ZBTB20: variants seen among roughly 807,000 people sequenced by gnomAD.
The protein encoded by ZBTB20 is zinc finger and BTB domain containing 20.
ZBTB20 carries 9 observed loss-of-function variants against 56.9 expected under a neutral mutation model. That is an observed-to-expected ratio of 0.16 (90% CI 0.10 to 0.28). The LOEUF (loss-of-function observed/expected upper bound fraction) is 0.28. Ranked by LOEUF, ZBTB20 falls within the 10% of genes least tolerant of loss-of-function variation. ZBTB20 has a pLI of 1.00. For missense variants in ZBTB20, 655 were observed against 1,003.0 expected (o/e 0.65, Z 4.69); for synonymous variants, 417 against 420.7 (o/e 0.99, Z 0.11).
intron 4 of ZBTB20, among the ~76,000 whole-genome samples, chr3:114,853,313 A>G (rs1190469112): frequency 6.6e-6 from 1 of 152,212 alleles, no homozygotes; most frequent in Middle Eastern, 3.2e-3. Context: ...GCCTATATTT[A>G]AAATACTCTC....
At chr3:114,922,420 G>A (rs1024164556) in intron 3 of ZBTB20, among the ~76,000 whole-genome samples, 41 of 151,646 alleles carry the variant, frequency 2.7e-4, no homozygotes, top group African/African-American at 9.9e-4. Flanking sequence ...AAACCCTGAA[G>A]ACTGCAGCAA....
chr3:114,675,668 C>T (rs1038550344), intron 6 of ZBTB20, among the ~76,000 whole-genome samples: 2 of 152,116 alleles, frequency 1.3e-5, no homozygotes, highest in Non-Finnish European at 2.9e-5. Context: ...CAATGGAATG[C>T]TCTGAATTGT....
intron 7 of ZBTB20, among the ~76,000 whole-genome samples, chr3:114,403,093 A>G (rs540582266): frequency 5.9e-5 from 9 of 152,320 alleles, no homozygotes; most frequent in African/African-American, 1.9e-4. Flanking sequence ...GGCACAACAA[A>G]CCACACAACA....
intron 2 of ZBTB20, among the ~76,000 whole-genome samples, chr3:115,034,415 G>A (rs1382770776): frequency 6.6e-6 from 1 of 150,580 alleles, no homozygotes. Context: ...AAATCATCAC[G>A]CAAAAATCAG....
chr3:114,364,487 A>G (rs957103621), intron 10 of ZBTB20, among the ~76,000 whole-genome samples: 20 of 152,276 alleles, frequency 1.3e-4, no homozygotes, highest in African/African-American at 4.8e-4. Context: ...AATTTATGCA[A>G]ACAACATCAG....
intron 1 of ZBTB20, among the ~76,000 whole-genome samples, chr3:115,095,049 G>A (rs892334753): frequency 1.6e-4 from 24 of 152,054 alleles, no homozygotes; most frequent in Non-Finnish European, 1.2e-4. Context: ...TGCATAATAT[G>A]AACATTAAAT....
chr3:114,679,661 T>C (rs1242631554), intron 6 of ZBTB20, among the ~76,000 whole-genome samples: 1 of 152,080 alleles, frequency 6.6e-6, no homozygotes, highest in Non-Finnish European at 1.5e-5. Flanking sequence ...TGGGGAGAAA[T>C]AGGAATGCTT....
At chr3:114,551,528 C>T (rs990993444) in intron 6 of ZBTB20, among the ~76,000 whole-genome samples, 2 of 152,022 alleles carry the variant, frequency 1.3e-5, no homozygotes, top group South Asian at 2.1e-4. Context: ...AAGTTAGAGG[C>T]ATTTGGGATG....
intron 2 of ZBTB20, among the ~76,000 whole-genome samples, chr3:115,032,975 A>C (rs1290244510): frequency 2.7e-5 from 4 of 149,770 alleles, no homozygotes; most frequent in Admixed American, 6.7e-5. Context: ...AAAAAAAAAA[A>C]AACAAACTAA....
At chr3:114,908,161 G>A (rs1009138671) in intron 3 of ZBTB20, among the ~76,000 whole-genome samples, 2 of 151,864 alleles carry the variant, frequency 1.3e-5, no homozygotes, top group African/African-American at 2.4e-5. Context: ...GTATACGAAA[G>A]GCATTCAAGC....
chr3:114,550,589 T>C (rs569496180), intron 6 of ZBTB20, among the ~76,000 whole-genome samples: 2 of 152,200 alleles, frequency 1.3e-5, no homozygotes, highest in South Asian at 4.1e-4. Flanking sequence ...ATAATGCTTT[T>C]TGGGGGGTTG....
rs552336220 is a variant in ZBTB20, at chr3:114,906,553, GA to G, written c.-455-6212del. 8.6e-5 allele frequency among the ~76,000 whole-genome samples: 13 copies of G among 150,536 alleles called. No homozygotes were observed. The East Asian group carries it at 2.5e-3, about 29-fold the overall frequency. ...GATTAATCATATTTAAAATGAGGGG[GA>G]TTTTATATAATATAAAATTTTTATA... On this transcript the variant is annotated intron_variant, in intron 3 of 11. Transcript: ENST00000675478.
At chr3:114,621,816 T>C (rs894001792) in intron 6 of ZBTB20, among the ~76,000 whole-genome samples, 11 of 152,192 alleles carry the variant, frequency 7.2e-5, no homozygotes, top group African/African-American at 2.4e-4. Flanking sequence ...ATTGAAAAAA[T>C]AAGTAATATT....
chr3:115,043,674 C>T (rs936965336), intron 2 of ZBTB20, among the ~76,000 whole-genome samples: 47 of 151,054 alleles, frequency 3.1e-4, no homozygotes, highest in Admixed American at 2.6e-3. Flanking sequence ...AAAAAGAGAT[C>T]ATCTAACATA....
chr3:114,433,613 T>C (rs1365903761), intron 7 of ZBTB20, among the ~76,000 whole-genome samples: 1 of 152,208 alleles, frequency 6.6e-6, no homozygotes, highest in Non-Finnish European at 1.5e-5. Flanking sequence ...ACTATACCTT[T>C]TATTTCTGAT....
At chr3:114,946,417 T>G (rs572707050) in intron 3 of ZBTB20, among the ~76,000 whole-genome samples, 1 of 145,378 alleles carries the variant, frequency 6.9e-6, no homozygotes, top group Non-Finnish European at 1.5e-5. Context: ...TTGATAAAAG[T>G]CAAAAATTGG....
At chr3:114,442,300 T>A (rs374840882) in intron 7 of ZBTB20, among the ~76,000 whole-genome samples, 8 of 152,154 alleles carry the variant, frequency 5.3e-5, no homozygotes, top group African/African-American at 1.9e-4. Flanking sequence ...TATAAATGAA[T>A]AGAGAGTGAA....
At chr3:114,851,842 T>C (rs539111026) in intron 4 of ZBTB20, among the ~76,000 whole-genome samples, 4 of 152,290 alleles carry the variant, frequency 2.6e-5, no homozygotes, top group East Asian at 1.9e-4. Context: ...TCTATATCTA[T>C]ACATACTTAT....
intron 7 of ZBTB20, among the ~76,000 whole-genome samples, chr3:114,485,826 C>G (rs1202869924): frequency 2.0e-5 from 3 of 152,062 alleles, no homozygotes; most frequent in Non-Finnish European, 1.5e-5. Context: ...TCACCAGATA[C>G]CAAATTTGCA....
Sources: gnomAD v4.1 joint callset for allele counts (sites outside exome capture counted in the v4.1 genomes callset) on GRCh38, gnomAD v4.1.1 for gene constraint, MANE v1.5 for transcripts, NCBI Gene and HGNC (gene_info 2026-07-23, HGNC 2026-07-21) for gene names.